Variants in SEPHS1 observed in about 807,000 individuals in gnomAD.
SEPHS1 encodes the protein zincore component SEPHS1.
In SEPHS1, 7 loss-of-function variants were observed where a neutral mutation model predicts 39.2. The ratio of observed to expected loss-of-function variants is 0.18; its 90% CI spans 0.10 to 0.34. The LOEUF (loss-of-function observed/expected upper bound fraction) is 0.34. Among genes scored for constraint, SEPHS1 ranks in the 10% least tolerant of loss-of-function variants. SEPHS1 has a pLI of 1.00. For synonymous variants in SEPHS1, 190 were observed against 195.5 expected (o/e 0.97, Z 0.23); for missense variants, 253 against 514.5 (o/e 0.49, Z 4.92).
intron 8 of SEPHS1, chr10:13,322,108 A>G (rs1483541301): frequency 2.3e-6 from 1 of 438,124 alleles, no homozygotes; most frequent in African/African-American, 2.1e-5. Flanking sequence ...ATAATATCCT[A>G]TTGCATTCTT....
chr10:13,326,011 T>C (rs926515350), intron 7 of SEPHS1, among the ~76,000 whole-genome samples: 1 of 150,694 alleles, frequency 6.6e-6, no homozygotes, highest in Non-Finnish European at 1.5e-5. Context: ...CAGTCTTGGC[T>C]ATTTATAGCA....
intron 2 of SEPHS1, among the ~76,000 whole-genome samples, chr10:13,343,231 TTATC>T (rs556893401): frequency 2.9e-4 from 44 of 152,264 alleles, no homozygotes; most frequent in African/African-American, 9.6e-4. Context: ...TTCTTGACAG[TTATC>T]TAACAGCTTC....
chr10:13,342,231 C>G (rs958908478), intron 2 of SEPHS1, among the ~76,000 whole-genome samples: 4 of 149,664 alleles, frequency 2.7e-5, no homozygotes, highest in Non-Finnish European at 5.9e-5. Flanking sequence ...CGCGCCACTG[C>G]ACTCCAGCCT....
chr10:13,330,646 C>T (rs1014573219), intron 5 of SEPHS1, among the ~76,000 whole-genome samples: 1 of 152,102 alleles, frequency 6.6e-6, no homozygotes, highest in African/African-American at 2.4e-5. Context: ...AAAACAAAGC[C>T]AGGGCCACAG....
At chr10:13,332,615 G>A (rs531652687) in intron 5 of SEPHS1, among the ~76,000 whole-genome samples, 65 of 152,184 alleles carry the variant, frequency 4.3e-4, no homozygotes, top group Middle Eastern at 6.8e-3. Context: ...AGGCTGAGGC[G>A]GTCGGATCAT....
At position 13,322,769 on chromosome 10, in the gene SEPHS1, T is replaced by C. The variant is rs775027721; in HGVS notation, c.964+66A>G. On this transcript the variant is annotated intron_variant, in intron 8 of 8. Transcript: ENST00000327347. ...GGGGGCCCACTCGGGGTGGGGCTGC[T>C]GCTTTCTCGCTGAGCTTTCTGTTAG... is the stretch of plus-strand genomic sequence containing the variant. 2.0e-4 allele frequency: 303 copies of C among 1,492,538 alleles called. 1 individual carries two copies. Among genetic ancestry groups the C allele is most frequent in the Non-Finnish European group, 2.7e-4 (296 of 1,090,252 alleles). The allele number at this position is 1,492,538 out of a possible 1,614,324, so 92.5% of individuals were successfully genotyped here. A position where few individuals can be genotyped will look rare whatever the true frequency, so the allele number is the denominator to read the frequency against.
chr10:13,348,139 C>CGGGCCCGCGCCTGGGCGCCGCGG lies in SEPHS1; in HGVS notation c.-241_-219dup, dbSNP rs1833993411. 6.9e-6 allele frequency: 1 copy of CGGGCCCGCGCCTGGGCGCCGCGG among 144,466 alleles called. No individual in the cohort carries two copies. Among genetic ancestry groups the CGGGCCCGCGCCTGGGCGCCGCGG allele is most frequent in the Non-Finnish European group, 1.5e-5 (1 of 65,220 alleles). 8.9% of individuals were successfully genotyped at this position (144,466 alleles called of 1,614,324 possible). On this transcript the variant is annotated 5_prime_UTR_variant, in exon 1 of 9. Coordinates refer to ENST00000327347, the MANE Select transcript of SEPHS1 (RefSeq NM_012247.5). ...GGCGGCGGCGGCGGCGGCGGGGGCCCGGGCCCGCGCCTGGGCGCCGCGGGG... is the reference window on the plus strand; with the variant it reads ...GGCGGCGGCGGCGGCGGCGGGGGCCCGGGCCCGCGCCTGGGCGCCGCGGGGGCCCGCGCCTGGGCGCCGCGGGG...
intron 4 of SEPHS1, among the ~76,000 whole-genome samples, chr10:13,335,531 G>A (rs972651553): frequency 1.3e-5 from 2 of 152,216 alleles, no homozygotes; most frequent in Non-Finnish European, 2.9e-5. Flanking sequence ...GGGGGTGCTG[G>A]TGTGCCCCTG....
At chr10:13,347,811 C>T (rs1448919057) in intron 1 of SEPHS1, among the ~76,000 whole-genome samples, 189 bp downstream of exon 1, 3 of 131,864 alleles carry the variant, frequency 2.3e-5, no homozygotes, top group African/African-American at 8.1e-5. Context: ...GGCGGCGCTT[C>T]TTTTTTAAAG....
chr10:13,334,831 C>T (rs547104490), intron 4 of SEPHS1, among the ~76,000 whole-genome samples: 1 of 152,258 alleles, frequency 6.6e-6, no homozygotes, highest in Non-Finnish European at 1.5e-5. Flanking sequence ...TGTCTGGACT[C>T]AGTGCACAGG....
At chr10:13,345,209 C>T (rs1049352750) in intron 1 of SEPHS1, 181 bp from the exon 2 acceptor site, 2 of 311,636 alleles carry the variant, frequency 6.4e-6, no homozygotes, top group East Asian at 1.0e-4. Flanking sequence ...GGGACTGCGT[C>T]AGCACAGACA....
In SEPHS1 at chr10:13,318,628, A is replaced by G. The variant is rs1833012438; in HGVS notation, c.*514T>C. 1 of 157,948 alleles carries G rather than the reference A, an allele frequency of 6.3e-6. No homozygotes were observed. Among genetic ancestry groups the G allele is most frequent in the Non-Finnish European group, 1.4e-5 (1 of 72,472 alleles). The allele number at this position is 157,948 out of a possible 1,614,324, so 9.8% of individuals were successfully genotyped here. ...GTCCGAGATGCTCTTGAGAGACAAG[A>G]CTAGGCTTTTCAAATCAAACACTCA... On this transcript the variant is annotated 3_prime_UTR_variant, in exon 9 of 9. Transcript: ENST00000327347.
intron 3 of SEPHS1, among the ~76,000 whole-genome samples, chr10:13,337,894 C>G (rs558492720): frequency 3.3e-5 from 5 of 152,326 alleles, no homozygotes; most frequent in South Asian, 2.1e-4. Flanking sequence ...GAACACCCCC[C>G]ACGTGGCTGC....
intron 8 of SEPHS1, among the ~76,000 whole-genome samples, chr10:13,322,475 G>T (rs561502705): frequency 6.6e-6 from 1 of 151,974 alleles, no homozygotes; most frequent in Non-Finnish European, 1.5e-5. Flanking sequence ...TTAAAACAAC[G>T]TTAGACAATT....
chr10:13,335,702 G>A (rs1024457460), intron 4 of SEPHS1, among the ~76,000 whole-genome samples: 9 of 150,934 alleles, frequency 6.0e-5, no homozygotes, highest in African/African-American at 9.8e-5. Flanking sequence ...GCCTTGGGCC[G>A]GGCACGGTGT....
At chr10:13,321,645 G>A (rs1833120666) in intron 8 of SEPHS1, among the ~76,000 whole-genome samples, 1 of 152,184 alleles carries the variant, frequency 6.6e-6, no homozygotes, top group South Asian at 2.1e-4. Context: ...GAAAAACAGG[G>A]AGACTTAAAA....
chr10:13,333,725 C>G, intron 5 of SEPHS1, 92 bp downstream of exon 5: 1 of 1,309,250 alleles, frequency 7.6e-7, no homozygotes, highest in Non-Finnish European at 1.1e-6. Context: ...TATGTGTGAG[C>G]CACTGCACCT....
At chr10:13,345,111 GAA>G (rs1833887129) in intron 1 of SEPHS1, 83 bp from the exon 2 acceptor site, 2 of 560,506 alleles carry the variant, frequency 3.6e-6, no homozygotes, top group Non-Finnish European at 5.9e-6. Context: ...ACATGACAGC[GAA>G]AAGTCAATGT....
chr10:13,331,906 AGG>A (rs1344647640), intron 5 of SEPHS1, among the ~76,000 whole-genome samples: 1 of 152,258 alleles, frequency 6.6e-6, no homozygotes, highest in African/African-American at 2.4e-5. Flanking sequence ...CAAGTACTGG[AGG>A]GGTCATAGAG....
Sources: gnomAD v4.1 joint callset for allele counts (sites outside exome capture counted in the v4.1 genomes callset) on GRCh38, gnomAD v4.1.1 for gene constraint, MANE v1.5 for transcripts, NCBI Gene and HGNC (gene_info 2026-07-23, HGNC 2026-07-21) for gene names.